The following RORA variants were observed in gnomAD, a reference collection of about 807,000 sequenced individuals.
RORA encodes nuclear receptor ROR-alpha.
Under a neutral mutation model 69.5 loss-of-function variants are expected in RORA, and 7 were observed. The ratio of observed to expected loss-of-function variants is 0.10; its 90% CI spans 0.06 to 0.19. The LOEUF (loss-of-function observed/expected upper bound fraction) is 0.19, where lower values mean the gene tolerates loss of function less well. RORA is among the 10% of genes least tolerant of loss of function. RORA has a pLI of 1.00. For synonymous variants in RORA, 261 were observed against 240.8 expected (o/e 1.08, Z -0.78); for missense variants, 457 against 663.0 (o/e 0.69, Z 3.41).
intron 1 of RORA, among the ~76,000 whole-genome samples, chr15:61,203,059 T>G (rs976332591): frequency 2.0e-5 from 3 of 152,140 alleles, no homozygotes; most frequent in African/African-American, 7.2e-5. Flanking sequence ...TTGACTAGTA[T>G]TAATATAAAA....
chr15:60,898,621 C>T (rs1661585041), intron 1 of RORA, among the ~76,000 whole-genome samples: 3 of 151,932 alleles, frequency 2.0e-5, no homozygotes, highest in Admixed American at 2.0e-4. Context: ...ATCACTTGAG[C>T]CCAGGAGTTT....
At chr15:61,028,288 G>C (rs1895937810) in intron 1 of RORA, among the ~76,000 whole-genome samples, 1 of 152,138 alleles carries the variant, frequency 6.6e-6, no homozygotes, top group Non-Finnish European at 1.5e-5. Context: ...GGGGGCATGA[G>C]GAGGAGTTGA....
At chr15:61,098,187 T>C in intron 1 of RORA, among the ~76,000 whole-genome samples, 1 of 109,884 alleles carries the variant, frequency 9.1e-6, no homozygotes, top group African/African-American at 3.4e-5. Context: ...CCTGCCTCCC[T>C]CCCTGTCTCC....
At chr15:61,068,471 A>G (rs957619153) in intron 1 of RORA, among the ~76,000 whole-genome samples, 1 of 152,218 alleles carries the variant, frequency 6.6e-6, no homozygotes, top group African/African-American at 2.4e-5. Context: ...GGAAAAATTC[A>G]CTATGTCAAT....
chr15:60,758,633 T>C (rs1023852218), intron 1 of RORA, among the ~76,000 whole-genome samples: 2 of 152,172 alleles, frequency 1.3e-5, no homozygotes, highest in African/African-American at 4.8e-5. Context: ...CTCAACTAGT[T>C]TTTGCTCATT....
At chr15:60,809,510 C>T (rs569131050) in intron 1 of RORA, among the ~76,000 whole-genome samples, 7 of 152,172 alleles carry the variant, frequency 4.6e-5, no homozygotes, top group Non-Finnish European at 7.4e-5. Context: ...CTCCATATCT[C>T]GAAATAACAG....
At chr15:60,865,803 A>G (rs1290344618) in intron 1 of RORA, among the ~76,000 whole-genome samples, 2 of 152,050 alleles carry the variant, frequency 1.3e-5, no homozygotes, top group African/African-American at 4.8e-5. Context: ...CACTCATACC[A>G]TTTATATTTT....
intron 2 of RORA, among the ~76,000 whole-genome samples, chr15:60,667,338 A>G (rs2070395549): frequency 6.6e-6 from 1 of 152,178 alleles, no homozygotes; most frequent in Non-Finnish European, 1.5e-5. Flanking sequence ...GTCACTAACA[A>G]CTTTATATGG....
intron 1 of RORA, among the ~76,000 whole-genome samples, chr15:61,110,862 C>A (rs1332965154): frequency 6.6e-6 from 1 of 152,238 alleles, no homozygotes; most frequent in East Asian, 1.9e-4. Context: ...TCCTCATACA[C>A]CGCACGCCCT....
intron 2 of RORA, among the ~76,000 whole-genome samples, chr15:60,621,943 G>A (rs1277637069): frequency 2.6e-5 from 4 of 152,112 alleles, no homozygotes; most frequent in African/African-American, 4.8e-5. Context: ...AGCTACTCAG[G>A]AGGCTGAGGC....
At chr15:60,599,466 A>C (rs1226588239) in intron 2 of RORA, among the ~76,000 whole-genome samples, 1 of 152,138 alleles carries the variant, frequency 6.6e-6, no homozygotes, top group Non-Finnish European at 1.5e-5. Flanking sequence ...CAGGAGAATC[A>C]CTTGAATCCG....
At chr15:61,074,997 G>C (rs1335278618) in intron 1 of RORA, among the ~76,000 whole-genome samples, 1 of 151,438 alleles carries the variant, frequency 6.6e-6, no homozygotes, top group African/African-American at 2.4e-5. Context: ...TGAGGCATGA[G>C]AATCACTTGA....
chr15:61,189,060 G>C (rs1002383687), intron 1 of RORA, among the ~76,000 whole-genome samples: 3 of 152,150 alleles, frequency 2.0e-5, no homozygotes, highest in Non-Finnish European at 2.9e-5. Flanking sequence ...AAGAAAATAA[G>C]AGCAAGGGGG....
chr15:60,650,974 CG>C (rs2070134387), intron 2 of RORA, among the ~76,000 whole-genome samples: 1 of 152,076 alleles, frequency 6.6e-6, no homozygotes, highest in African/African-American at 2.4e-5. Context: ...GATTCAAACC[CG>C]GGTCCTTTTG....
At chr15:60,645,231 G>T (rs571758970) in intron 2 of RORA, among the ~76,000 whole-genome samples, 2 of 152,064 alleles carry the variant, frequency 1.3e-5, no homozygotes, top group South Asian at 4.1e-4. Flanking sequence ...GAGGGAGGGG[G>T]AAGGAGAGAA....
At chr15:60,615,537 A>G (rs1352807600) in intron 2 of RORA, among the ~76,000 whole-genome samples, 2 of 152,170 alleles carry the variant, frequency 1.3e-5, no homozygotes, top group Non-Finnish European at 2.9e-5. Flanking sequence ...GAGAAGGCTG[A>G]TAATGGGATT....
At position 60,726,054 on chromosome 15, in the gene RORA, C is replaced by A. The variant is rs539373498; in HGVS notation, c.167-47368G>T. Among the ~76,000 whole-genome samples, 5 of 152,278 alleles carry A rather than the reference C, an allele frequency of 3.3e-5. No homozygotes were observed. The East Asian group carries it at 7.7e-4, about 24-fold the overall frequency. On this transcript the variant is annotated intron_variant, in intron 1 of 10. Coordinates refer to ENST00000335670, the MANE Select transcript of RORA (RefSeq NM_134261.3). ...GATTTACACACCTGATTTCACTTAA[C>A]ATCTGCATAACCCTCAGATGTTGAC... is the stretch of plus-strand genomic sequence containing the variant.
At position 60,501,757 on chromosome 15, in the gene RORA, G is replaced by A. The variant is rs547071760; in HGVS notation, c.1184-688C>T. Among the ~76,000 whole-genome samples, 9 of 152,204 alleles carry A rather than the reference G, an allele frequency of 5.9e-5. No homozygotes were observed. In the East Asian group the frequency reaches 1.7e-3, roughly 29 times the overall value. On this transcript the variant is annotated intron_variant, in intron 8 of 10. Coordinates refer to ENST00000335670, the MANE Select transcript of RORA (RefSeq NM_134261.3). Reference sequence around the variant, plus strand: ...AAACACAGAATGTGAAAGTCCCCTAGAATAATAATCCGTTTTCCAAAAGAC... The same window carrying A: ...AAACACAGAATGTGAAAGTCCCCTAAAATAATAATCCGTTTTCCAAAAGAC...
rs143067441 is a variant in RORA, at chr15:60,729,556, G to A, written c.167-50870C>T. Among the ~76,000 whole-genome samples, 861 of 152,266 alleles carry A rather than the reference G, an allele frequency of 5.7e-3. 7 individuals carry two copies. The highest frequency in any genetic ancestry group is 0.019 in the African/African-American group (787 of 41,550). On this transcript the variant is annotated intron_variant, in intron 1 of 10. Transcript: ENST00000335670. ...TCCCAATGTCCTGAGTATGTAATAT[G>A]CAATATAAAGCTCTCATGAATTATG...
Sources: gnomAD v4.1 joint callset for allele counts (sites outside exome capture counted in the v4.1 genomes callset) on GRCh38, gnomAD v4.1.1 for gene constraint, MANE v1.5 for transcripts, NCBI Gene and HGNC (gene_info 2026-07-23, HGNC 2026-07-21) for gene names.